CYP3A7: variants seen among roughly 807,000 people sequenced by gnomAD.
The protein encoded by CYP3A7 is cytochrome P450 family 3 subfamily A member 7.
A neutral mutation model predicts 55.2 loss-of-function variants in CYP3A7; 45 were observed. The observed-to-expected ratio is 0.82, with a 90% CI of 0.64 to 1.05. The LOEUF (loss-of-function observed/expected upper bound fraction) is 1.05, where lower values mean the gene tolerates loss of function less well. CYP3A7 is among the 50% of genes least tolerant of loss of function. The probability of loss-of-function intolerance (pLI) is 0.00; values close to 1 mark genes in which losing one functional copy is unlikely to be tolerated. For missense variants in CYP3A7, 548 were observed against 605.3 expected, an observed-to-expected ratio of 0.91 and a Z score of 0.99; for synonymous variants, 180 against 207.4, an observed-to-expected ratio of 0.87 and a Z score of 1.13.
rs2151542210 is a variant in CYP3A7 at position 99,735,126 on chromosome 7, G to C, written c.-33C>G. On this transcript the variant is annotated 5_prime_UTR_variant, in exon 1 of 13. Coordinates refer to ENST00000336374, the MANE Select transcript of CYP3A7 (RefSeq NM_000765.5). ...TTCCTTCCTTATCTCTCTCCTCTGA[G>C]TCTTTTTTTCAGCAGCGTGCTGCTG... 6.2e-7 allele frequency: 1 copy of C among 1,613,454 alleles called. No individual in the cohort carries two copies. The highest frequency in any genetic ancestry group is 1.3e-5 in the African/African-American group (1 of 75,032).
intron 2 of CYP3A7, among the ~76,000 whole-genome samples, chr7:99,725,521 T>A (rs941597667): frequency 2.0e-5 from 3 of 152,042 alleles, no homozygotes; most frequent in African/African-American, 7.2e-5. Context: ...CTTCAAAACC[T>A]CCTCATGGAC....
At chr7:99,718,766 T>C (rs1814070310) in intron 4 of CYP3A7, among the ~76,000 whole-genome samples, 2 of 152,184 alleles carry the variant, frequency 1.3e-5, no homozygotes, top group African/African-American at 4.8e-5. Context: ...CTCAAGAATA[T>C]ACAAAAAGAC....
chr7:99,725,379 A>G (rs553847770), intron 2 of CYP3A7, among the ~76,000 whole-genome samples: 1 of 152,340 alleles, frequency 6.6e-6, no homozygotes, highest in African/African-American at 2.4e-5. Flanking sequence ...GTGTATCATA[A>G]TAGAGAAGAG....
At chr7:99,713,770 C>G (rs1057088914) in intron 8 of CYP3A7, among the ~76,000 whole-genome samples, 1 of 152,158 alleles carries the variant, frequency 6.6e-6, no homozygotes, top group African/African-American at 2.4e-5. Flanking sequence ...GGTCTTTTCC[C>G]TGGTCCTAAC....
chr7:99,730,593 T>C (rs1814573270), intron 2 of CYP3A7: 1 of 162,506 alleles, frequency 6.2e-6, no homozygotes, highest in Admixed American at 5.7e-5. Flanking sequence ...CCTAATAAAC[T>C]GAGTTTCCAA....
At chr7:99,713,693 A>G (rs927590514) in intron 8 of CYP3A7, among the ~76,000 whole-genome samples, 158 bp from the exon 9 acceptor site, 6 of 152,190 alleles carry the variant, frequency 3.9e-5, no homozygotes, top group African/African-American at 1.4e-4. Flanking sequence ...AGGAATATCC[A>G]TCTAAATCCT....
At chr7:99,724,653 C>T (rs1814337768) in intron 2 of CYP3A7, among the ~76,000 whole-genome samples, 1 of 152,096 alleles carries the variant, frequency 6.6e-6, no homozygotes, top group Non-Finnish European at 1.5e-5. Flanking sequence ...CACCTCCCCT[C>T]CTCACACCCA....
intron 9 of CYP3A7, among the ~76,000 whole-genome samples, chr7:99,711,397 A>G (rs544698702): frequency 6.6e-6 from 1 of 152,332 alleles, no homozygotes; most frequent in South Asian, 2.1e-4. Flanking sequence ...AGGGAACTTA[A>G]GAGACCAATA....
chr7:99,725,602 G>C (rs148655413), intron 2 of CYP3A7, among the ~76,000 whole-genome samples: 8 of 152,330 alleles, frequency 5.3e-5, no homozygotes, highest in Admixed American at 3.9e-4. Flanking sequence ...CTCCTAAGCC[G>C]TGCCCTGTCT....
chr7:99,710,236 T>G (rs1411819044), intron 10 of CYP3A7, among the ~76,000 whole-genome samples: 1 of 152,186 alleles, frequency 6.6e-6, no homozygotes. Flanking sequence ...TTATAGAGTT[T>G]AAGAGTTTAG....
In CYP3A7 at chr7:99,720,250, G is replaced by A; in HGVS notation, c.318+63C>T. ...TAGGCAACTGTCTATGAATATATAAGAATTTTAAAATAAAAATTTAATCAA... is the reference window on the plus strand; with the variant it reads ...TAGGCAACTGTCTATGAATATATAAAAATTTTAAAATAAAAATTTAATCAA... On this transcript the variant is annotated intron_variant, in intron 4 of 12. Transcript: ENST00000336374. 11 of 1,584,904 alleles carry A rather than the reference G, an allele frequency of 6.9e-6. No homozygotes were observed. The South Asian group carries it at 1.1e-4, about 16-fold the overall frequency.
At position 99,722,288 on chromosome 7, in the gene CYP3A7, A is replaced by T. The variant is rs779626375; in HGVS notation, c.218+8T>A. The T allele has an allele frequency of 6.2e-7, 1 of 1,613,656 alleles. No homozygotes were observed. Among genetic ancestry groups the T allele is most frequent in the Non-Finnish European group, 8.5e-7 (1 of 1,179,664 alleles). On this transcript the variant is annotated splice_region_variant and intron_variant, in intron 3 of 12. Coordinates refer to ENST00000336374, the MANE Select transcript of CYP3A7 (RefSeq NM_000765.5). Reference sequence around the variant, plus strand: ...AGTCTATCCAATGGAATCTTCCAGAATACTCACCCCCAGACTTTTCTATAC... The same window carrying T: ...AGTCTATCCAATGGAATCTTCCAGATTACTCACCCCCAGACTTTTCTATAC...
chr7:99,734,392 G>A (rs1214601699), intron 1 of CYP3A7, among the ~76,000 whole-genome samples: 2 of 151,998 alleles, frequency 1.3e-5, no homozygotes, highest in African/African-American at 2.4e-5. Flanking sequence ...CAACTTAAAG[G>A]GAAAAATGTA....
At chr7:99,716,101 C>T (rs889298189) in intron 6 of CYP3A7, among the ~76,000 whole-genome samples, 195 bp from the exon 7 acceptor site, 10 of 152,158 alleles carry the variant, frequency 6.6e-5, no homozygotes, top group East Asian at 1.9e-4. Flanking sequence ...GCTGGCTCTC[C>T]GCTGGGGGTG....
rs748227868 is a variant in CYP3A7 at position 99,705,533 on chromosome 7, A to G, written c.1479T>C (p.Ala493=). 2.5e-6 allele frequency: 4 copies of G among 1,613,634 alleles called. No homozygotes were observed. The highest frequency in any genetic ancestry group is 2.5e-6 in the Non-Finnish European group (3 of 1,179,728). Residue 493 remains alanine, a synonymous_variant, in exon 13 of 13, where the codon GCT becomes GCC. Transcript: ENST00000336374. ...CACTTACGGTCTCATCCCTTGACTC[A>G]GCCTTTAGAACAATGGGTTTTTCTG... The part of the protein sequence containing the change: ...LLTEKPIVLK[A]ESRDETVSGA
intron 3 of CYP3A7, 54 bp downstream of exon 3, chr7:99,722,242 G>C: frequency 6.2e-7 from 1 of 1,608,324 alleles, no homozygotes; most frequent in Non-Finnish European, 8.5e-7. Flanking sequence ...TGTGCAGTGG[G>C]GTAAACTCAT....
At chr7:99,729,385 C>T (rs535715983) in intron 2 of CYP3A7, among the ~76,000 whole-genome samples, 1 of 152,216 alleles carries the variant, frequency 6.6e-6, no homozygotes, top group African/African-American at 2.4e-5. Flanking sequence ...CCCATAATCC[C>T]GCTTGAAGCA....
At chr7:99,731,670 CT>C (rs1248920767) in intron 1 of CYP3A7, among the ~76,000 whole-genome samples, 1 of 152,206 alleles carries the variant, frequency 6.6e-6, no homozygotes, top group Non-Finnish European at 1.5e-5. Context: ...GGCTTTTAAG[CT>C]TTCCCTTCAC....
intron 2 of CYP3A7, among the ~76,000 whole-genome samples, chr7:99,722,694 G>T (rs1484882276): frequency 2.6e-5 from 4 of 152,184 alleles, no homozygotes; most frequent in Non-Finnish European, 5.9e-5. Flanking sequence ...GGGGCATGTG[G>T]AGAAACTGAG....
Sources: allele counts gnomAD v4.1 joint callset (sites outside exome capture counted in the v4.1 genomes callset), GRCh38; gene constraint gnomAD v4.1.1; transcripts MANE v1.5; gene names NCBI Gene and HGNC (gene_info 2026-07-23, HGNC 2026-07-21).